The following RBM20 variants were observed in gnomAD, a reference collection of about 807,000 sequenced individuals.
RBM20 encodes the protein RNA binding motif protein 20, also known as RNA-binding protein 20.
RBM20 carries 51 observed loss-of-function variants against 110.1 expected under a neutral mutation model. The ratio of observed to expected loss-of-function variants is 0.46; its 90% CI spans 0.37 to 0.59. The LOEUF (loss-of-function observed/expected upper bound fraction) is 0.59, where lower values mean the gene tolerates loss of function less well. Among genes scored for constraint, RBM20 ranks in the 20% least tolerant of loss-of-function variants. RBM20 has a pLI of 0.00. For synonymous variants in RBM20, 589 were observed against 618.2 expected (o/e 0.95, Z 0.70); for missense variants, 1,512 against 1,574.9 (o/e 0.96, Z 0.68).
intron 1 of RBM20, among the ~76,000 whole-genome samples, chr10:110,693,056 A>G (rs1437267559): frequency 2.0e-5 from 3 of 149,296 alleles, no homozygotes; most frequent in Non-Finnish European, 4.5e-5. Flanking sequence ...AATGTGGTAT[A>G]TTACATTGAC....
At chr10:110,709,000 C>A (rs1862883423) in intron 1 of RBM20, among the ~76,000 whole-genome samples, 1 of 152,300 alleles carries the variant, frequency 6.6e-6, no homozygotes, top group African/African-American at 2.4e-5. Flanking sequence ...ATTTTGAGTC[C>A]TTGGCTATCA....
chr10:110,666,765 C>T (rs762683990), intron 1 of RBM20, among the ~76,000 whole-genome samples: 3 of 152,194 alleles, frequency 2.0e-5, no homozygotes, highest in Non-Finnish European at 2.9e-5. Context: ...ATTTATGTCT[C>T]TCTTGGGGCT....
rs549464806 is a variant in RBM20 at position 110,729,564 on chromosome 10, G to A, written c.192-51237G>A. ...CCGCAGGAGGGCAGAAGCTGAGATC[G>A]TATCTCCCAGATTTGGCAGCTGCTG... On this transcript the variant is annotated intron_variant, in intron 1 of 13. Transcript: ENST00000369519. 9.8e-5 allele frequency among the ~76,000 whole-genome samples: 15 copies of A among 152,312 alleles called. No homozygotes were observed. In the South Asian group the frequency reaches 1.7e-3, roughly 17 times the overall value.
chr10:110,683,486 C>T (rs1181731018), intron 1 of RBM20, among the ~76,000 whole-genome samples: 3 of 152,164 alleles, frequency 2.0e-5, no homozygotes, highest in South Asian at 2.1e-4. Flanking sequence ...AGAGTGGTTC[C>T]AGTTATTATC....
At chr10:110,662,587 C>A (rs1269150542) in intron 1 of RBM20, among the ~76,000 whole-genome samples, 1 of 152,186 alleles carries the variant, frequency 6.6e-6, no homozygotes, top group Non-Finnish European at 1.5e-5. Context: ...ATGATACAAC[C>A]TTTATGGAGA....
At chr10:110,727,419 A>AAAAAAAAAAAATAAAAAAAAT (rs377734576) in intron 1 of RBM20, among the ~76,000 whole-genome samples, 5 of 146,726 alleles carry the variant, frequency 3.4e-5, no homozygotes, top group Non-Finnish European at 6.0e-5. Flanking sequence ...AAATAAAAAA[A>AAAAAAAAAAAATAAAAAAAAT]AAATAAATAA....
intron 11 of RBM20, chr10:110,822,402 A>C: frequency 2.2e-6 from 1 of 458,514 alleles, no homozygotes; most frequent in Non-Finnish European, 4.4e-6. Context: ...TCCCCTTCTT[A>C]CTACCTCAGA....
intron 1 of RBM20, among the ~76,000 whole-genome samples, chr10:110,736,736 C>G (rs1295309785): frequency 6.6e-6 from 1 of 152,108 alleles, no homozygotes; most frequent in Admixed American, 6.5e-5. Flanking sequence ...TTTCAGTAAG[C>G]TCTTCATTGA....
chr10:110,780,391 G>A lies in RBM20; in HGVS notation c.192-410G>A, dbSNP rs530626295. Among the ~76,000 whole-genome samples the A allele has an allele frequency of 4.4e-4, 67 of 152,196 alleles. No homozygotes were observed. The South Asian group carries it at 0.014, about 32-fold the overall frequency. ...TTTTGATTTATATAATTGAATTCCA[G>A]GGTCAAAGAATATGGCTATAATAAA... On this transcript the variant is annotated intron_variant, in intron 1 of 13. Coordinates refer to ENST00000369519, the MANE Select transcript of RBM20 (RefSeq NM_001134363.3).
At chr10:110,684,544 G>T (rs1025955478) in intron 1 of RBM20, among the ~76,000 whole-genome samples, 5 of 152,150 alleles carry the variant, frequency 3.3e-5, no homozygotes, top group African/African-American at 1.2e-4. Context: ...TTTCTGATTT[G>T]TCTTGGTACA....
In RBM20 at chr10:110,836,125, G is replaced by T. The variant is rs1054764811; in HGVS notation, c.*147G>T. On this transcript the variant is annotated 3_prime_UTR_variant, in exon 14 of 14. Coordinates refer to ENST00000369519, the MANE Select transcript of RBM20 (RefSeq NM_001134363.3). ...CACATTGCTTGGGCTTGTTCCCAGA[G>T]ACTCAGTGAAATGCCCCTGATATGT... The T allele has an allele frequency of 4.0e-5, 21 of 518,544 alleles. No homozygotes were observed. Among genetic ancestry groups the T allele is most frequent in the South Asian group, 6.0e-5 (2 of 33,144 alleles). 32.1% of individuals were successfully genotyped at this position (518,544 alleles called of 1,614,324 possible). A position where few individuals can be genotyped will look rare whatever the true frequency, so the allele number is the denominator to read the frequency against.
At chr10:110,773,281 T>C (rs1844217842) in intron 1 of RBM20, among the ~76,000 whole-genome samples, 1 of 152,250 alleles carries the variant, frequency 6.6e-6, no homozygotes, top group South Asian at 2.1e-4. Flanking sequence ...CACAGACAGA[T>C]AGACACACCA....
chr10:110,646,577 T>G (rs930950019), intron 1 of RBM20, among the ~76,000 whole-genome samples: 1 of 152,196 alleles, frequency 6.6e-6, no homozygotes, highest in Non-Finnish European at 1.5e-5. Context: ...GATTTGATGT[T>G]TGCGCACTGA....
intron 7 of RBM20, among the ~76,000 whole-genome samples, chr10:110,809,232 ATTGCATGATTCTTTGTAAATTACATAG>A (rs1844734090): frequency 2.0e-5 from 3 of 149,198 alleles, no homozygotes; most frequent in Non-Finnish European, 4.5e-5. Flanking sequence ...AAAAAAAAAA[ATTGCATGATTCTTTGTAAATTACATAG>A]AAAAAATCAA....
intron 1 of RBM20, among the ~76,000 whole-genome samples, chr10:110,736,087 T>C (rs1843667812): frequency 6.6e-6 from 1 of 152,228 alleles, no homozygotes; most frequent in Non-Finnish European, 1.5e-5. Context: ...CTTTCAGACC[T>C]GGAGATGAAA....
chr10:110,827,536 A>G lies in RBM20; in HGVS notation c.3452-3525A>G, dbSNP rs146588657. Among the ~76,000 whole-genome samples the G allele has an allele frequency of 8.0e-3, 1,224 of 152,332 alleles. 16 individuals are homozygous for G. Among genetic ancestry groups the G allele is most frequent in the African/African-American group, 0.028 (1,145 of 41,576 alleles). ...CTATGAACACAGTCTGTGGAATCTG[A>G]TTCCCTGAGTTTAAATCCCCTGTCT... On this transcript the variant is annotated intron_variant, in intron 12 of 13. Transcript: ENST00000369519.
At chr10:110,787,615 T>G (rs1844435357) in intron 5 of RBM20, among the ~76,000 whole-genome samples, 1 of 152,252 alleles carries the variant, frequency 6.6e-6, no homozygotes, top group Non-Finnish European at 1.5e-5. Context: ...ACTTTTAAAT[T>G]ACGTACCAGT....
chr10:110,800,298 T>G (rs1844605819), intron 7 of RBM20, among the ~76,000 whole-genome samples: 3 of 152,224 alleles, frequency 2.0e-5, no homozygotes, highest in African/African-American at 7.2e-5. Flanking sequence ...TGTCACCCCC[T>G]TGATCTCTTG....
intron 1 of RBM20, among the ~76,000 whole-genome samples, chr10:110,704,986 A>T (rs1862814592): frequency 6.6e-6 from 1 of 152,234 alleles, no homozygotes; most frequent in South Asian, 2.1e-4. Context: ...TGCAGTGATA[A>T]ATCCCTTTGA....
Sources: gnomAD v4.1 joint callset for allele counts (sites outside exome capture counted in the v4.1 genomes callset) on GRCh38, gnomAD v4.1.1 for gene constraint, MANE v1.5 for transcripts, NCBI Gene and HGNC (gene_info 2026-07-23, HGNC 2026-07-21) for gene names.